Variants in KIZ observed in about 807,000 individuals in gnomAD.
KIZ encodes kizuna centrosomal protein.
In KIZ, 68 loss-of-function variants were observed where a neutral mutation model predicts 79.6. The observed-to-expected ratio is 0.85, with a 90% CI of 0.70 to 1.05. The LOEUF (loss-of-function observed/expected upper bound fraction) is 1.05, where lower values mean the gene tolerates loss of function less well. Among genes scored for constraint, KIZ ranks in the 50% least tolerant of loss-of-function variants. The probability of loss-of-function intolerance (pLI) is 0.00; values close to 1 mark genes in which losing one functional copy is unlikely to be tolerated. For missense variants in KIZ, 797 were observed against 800.4 expected, an observed-to-expected ratio of 1.00 and a Z score of 0.05; for synonymous variants, 280 against 281.8, an observed-to-expected ratio of 0.99 and a Z score of 0.06.
intron 6 of KIZ, among the ~76,000 whole-genome samples, chr20:21,168,677 A>C (rs921699379): frequency 3.3e-5 from 5 of 152,202 alleles, no homozygotes; most frequent in African/African-American, 1.2e-4. Flanking sequence ...ACCTGACTTC[A>C]AACTATACTA....
At chr20:21,207,073 A>ATTTTCTGGC (rs2035855666) in intron 7 of KIZ, among the ~76,000 whole-genome samples, 1 of 151,936 alleles carries the variant, frequency 6.6e-6, no homozygotes, top group Admixed American at 6.6e-5. Flanking sequence ...ATAATACAGG[A>ATTTTCTGGC]TTTTCTGGCT....
intron 6 of KIZ, among the ~76,000 whole-genome samples, chr20:21,174,232 G>A (rs145235641): frequency 2.4e-3 from 359 of 152,262 alleles, no homozygotes; most frequent in African/African-American, 8.0e-3. Context: ...TACTGACTCC[G>A]TGCCAGGCAC....
At chr20:21,215,534 A>G (rs2036250696) in intron 8 of KIZ, 49 bp from the exon 9 acceptor site, 3 of 1,123,616 alleles carry the variant, frequency 2.7e-6, no homozygotes, top group Non-Finnish European at 3.9e-6. Flanking sequence ...CAAAGGATCT[A>G]TTCCTTAACT....
In KIZ at chr20:21,136,563, G is replaced by GT; in HGVS notation, c.315+17dup. 1 of 1,496,878 alleles carries GT rather than the reference G, an allele frequency of 6.7e-7. No homozygotes were observed. Among genetic ancestry groups the GT allele is most frequent in the Non-Finnish European group, 8.9e-7 (1 of 1,117,908 alleles). 92.7% of individuals were successfully genotyped at this position (1,496,878 alleles called of 1,614,324 possible). On this transcript the variant is annotated intron_variant, in intron 3 of 12. Transcript: ENST00000619189. Reference sequence around the variant, plus strand: ...CTTCAAAAACTGAAGGTGACTTCCTGTTTTTTACTGTGTTTTATTTTATTT... The same window carrying GT: ...CTTCAAAAACTGAAGGTGACTTCCTGTTTTTTTACTGTGTTTTATTTTATTT...
intron 9 of KIZ, among the ~76,000 whole-genome samples, chr20:21,224,967 A>G (rs973272049): frequency 1.3e-5 from 2 of 152,050 alleles, no homozygotes; most frequent in African/African-American, 2.4e-5. Flanking sequence ...TCTATTTTCT[A>G]TACACAAAAC....
At chr20:21,154,780 C>G (rs543871539) in intron 4 of KIZ, among the ~76,000 whole-genome samples, 7 of 152,284 alleles carry the variant, frequency 4.6e-5, no homozygotes, top group African/African-American at 1.4e-4. Context: ...TGAGAAGACA[C>G]ATAATAGTGT....
intron 1 of KIZ, among the ~76,000 whole-genome samples, chr20:21,126,799 T>C (rs188663522): frequency 2.6e-5 from 4 of 152,172 alleles, no homozygotes; most frequent in Admixed American, 6.5e-5. Flanking sequence ...GATTAAGATA[T>C]GAAAGATGGG....
intron 6 of KIZ, among the ~76,000 whole-genome samples, chr20:21,204,105 G>GTTTTTTTTT (rs71330816): frequency 1.3e-5 from 1 of 74,996 alleles, no homozygotes. Flanking sequence ...AGTCATCTAT[G>GTTTTTTTTT]TTTTTTTTTT....
chr20:21,200,725 C>T (rs1297392455), intron 6 of KIZ, among the ~76,000 whole-genome samples: 2 of 152,144 alleles, frequency 1.3e-5, no homozygotes, highest in Non-Finnish European at 2.9e-5. Flanking sequence ...CAGTTCCTAG[C>T]AGACCACGTA....
chr20:21,207,956 G>A (rs1196522798), intron 7 of KIZ, among the ~76,000 whole-genome samples: 3 of 151,998 alleles, frequency 2.0e-5, no homozygotes, highest in Admixed American at 1.3e-4. Flanking sequence ...CGGGTGATCC[G>A]CGCCCCCATC....
intron 6 of KIZ, among the ~76,000 whole-genome samples, chr20:21,185,463 G>A (rs1600482865): frequency 7.4e-6 from 1 of 134,362 alleles, no homozygotes; most frequent in South Asian, 2.4e-4. Flanking sequence ...AGGCTGGAAT[G>A]CAGTGGCATG....
At chr20:21,240,243 G>C (rs1267447055) in intron 11 of KIZ, among the ~76,000 whole-genome samples, 5 of 152,144 alleles carry the variant, frequency 3.3e-5, no homozygotes, top group Admixed American at 2.6e-4. Flanking sequence ...TTCTGCCTCA[G>C]CCTCCCAAGT....
intron 6 of KIZ, among the ~76,000 whole-genome samples, chr20:21,178,169 G>T (rs1240119678): frequency 2.0e-5 from 3 of 151,990 alleles, no homozygotes; most frequent in Non-Finnish European, 4.4e-5. Context: ...TGCTTTGGTA[G>T]TATGGACACT....
chr20:21,138,041 G>A (rs2032298024), intron 3 of KIZ, among the ~76,000 whole-genome samples: 1 of 151,288 alleles, frequency 6.6e-6, no homozygotes, highest in African/African-American at 2.4e-5. Flanking sequence ...CAGAGTGCTG[G>A]AATTATGGGT....
chr20:21,134,565 C>T (rs1437042751), intron 2 of KIZ, among the ~76,000 whole-genome samples: 1 of 151,860 alleles, frequency 6.6e-6, no homozygotes, highest in Non-Finnish European at 1.5e-5. Flanking sequence ...TGCCGTCGAG[C>T]TTTCTGACAT....
intron 1 of KIZ, among the ~76,000 whole-genome samples, chr20:21,129,763 A>T (rs115490109): frequency 0.014 from 2,077 of 151,960 alleles, 42 homozygotes; most frequent in African/African-American, 0.045. Context: ...ATATATATAT[A>T]TTTTTTAAAG....
chr20:21,138,063 C>T (rs569033887), intron 3 of KIZ, among the ~76,000 whole-genome samples: 86 of 112,880 alleles, frequency 7.6e-4, no homozygotes, highest in Middle Eastern at 5.2e-3. Flanking sequence ...TGAGCCACTG[C>T]ACCCAGACAT....
At chr20:21,239,949 G>T (rs1325803029) in intron 11 of KIZ, among the ~76,000 whole-genome samples, 2 of 152,132 alleles carry the variant, frequency 1.3e-5, no homozygotes, top group African/African-American at 4.8e-5. Context: ...TGGCTTAATG[G>T]CTAGGCAGAG....
intron 4 of KIZ, among the ~76,000 whole-genome samples, chr20:21,149,898 G>C (rs1268527772): frequency 1.3e-5 from 2 of 152,206 alleles, no homozygotes; most frequent in African/African-American, 4.8e-5. Context: ...CCTAACACAA[G>C]GATTTGAGTG....
Sources: allele counts gnomAD v4.1 joint callset (sites outside exome capture counted in the v4.1 genomes callset), GRCh38; gene constraint gnomAD v4.1.1; transcripts MANE v1.5; gene names NCBI Gene and HGNC (gene_info 2026-07-23, HGNC 2026-07-21).